The following PRMT9 variants were observed in gnomAD, a reference collection of about 807,000 sequenced individuals.
PRMT9 encodes protein arginine N-methyltransferase 9.
PRMT9 carries 59 observed loss-of-function variants against 83.2 expected under a neutral mutation model. The observed-to-expected ratio is 0.71, with a 90% CI of 0.57 to 0.88. The LOEUF is 0.88. Among genes scored for constraint, PRMT9 ranks in the 40% least tolerant of loss-of-function variants. The pLI, the probability that PRMT9 is intolerant of heterozygous loss-of-function variation, is 0.00. For missense variants in PRMT9, 947 were observed against 1,021.9 expected, an observed-to-expected ratio of 0.93 and a Z score of 1.00; for synonymous variants, 333 against 353.2, an observed-to-expected ratio of 0.94 and a Z score of 0.64.
intron 9 of PRMT9, among the ~76,000 whole-genome samples, chr4:147,646,316 A>G (rs1733724349): frequency 6.6e-6 from 1 of 152,224 alleles, no homozygotes; most frequent in Non-Finnish European, 1.5e-5. Context: ...AGGAGAGACT[A>G]GCCACAGAAC....
At chr4:147,653,225 G>T (rs919893496) in intron 9 of PRMT9, among the ~76,000 whole-genome samples, 13 of 152,010 alleles carry the variant, frequency 8.6e-5, no homozygotes, top group Admixed American at 8.5e-4. Flanking sequence ...AGGGGGTGTG[G>T]ATCACTTGAG....
At chr4:147,662,976 C>A (rs1328176215) in intron 6 of PRMT9, among the ~76,000 whole-genome samples, 1 of 151,592 alleles carries the variant, frequency 6.6e-6, no homozygotes, top group Non-Finnish European at 1.5e-5. Context: ...ATTACACTCT[C>A]AAAAGATGAA....
At chr4:147,659,421 G>GA (rs1041798654) in intron 7 of PRMT9, among the ~76,000 whole-genome samples, 6 of 150,082 alleles carry the variant, frequency 4.0e-5, no homozygotes, top group African/African-American at 7.3e-5. Context: ...AGAAAAAAAA[G>GA]AAAAAAAAAT....
chr4:147,668,384 TAA>T (rs996941842), intron 6 of PRMT9, among the ~76,000 whole-genome samples, 153 bp downstream of exon 6: 5 of 152,220 alleles, frequency 3.3e-5, no homozygotes, highest in African/African-American at 1.2e-4. Flanking sequence ...TGCTGCCATA[TAA>T]GACGTGCCTG....
At chr4:147,639,575 G>A (rs1733241494) in intron 10 of PRMT9, among the ~76,000 whole-genome samples, 3 of 152,116 alleles carry the variant, frequency 2.0e-5, no homozygotes, top group Non-Finnish European at 4.4e-5. Flanking sequence ...AAAATCACCT[G>A]GGGAGGTTTT....
chr4:147,649,224 G>C (rs915883169), intron 9 of PRMT9, among the ~76,000 whole-genome samples: 4 of 151,280 alleles, frequency 2.6e-5, no homozygotes, highest in African/African-American at 9.7e-5. Context: ...AGAGAGAAAG[G>C]GAAAGAGGGC....
At chr4:147,642,730 G>C in intron 10 of PRMT9, 57 bp downstream of exon 10, 1 of 1,420,484 alleles carries the variant, frequency 7.0e-7, no homozygotes, top group Non-Finnish European at 9.9e-7. Flanking sequence ...ACTAAAGAGA[G>C]AGCGATGGTA....
intron 3 of PRMT9, 95 bp from the exon 4 acceptor site, chr4:147,673,221 C>G: frequency 1.8e-6 from 2 of 1,106,696 alleles, no homozygotes; most frequent in Non-Finnish European, 2.7e-6. Context: ...GGGGTTTTTC[C>G]TTTTATTCTT....
At chr4:147,639,125 T>G in intron 10 of PRMT9, 43 bp from the exon 11 acceptor site, 2 of 1,607,304 alleles carry the variant, frequency 1.2e-6, no homozygotes, top group Non-Finnish European at 1.7e-6. Flanking sequence ...TTTCTTTTTG[T>G]GGTCAGGGCT....
intron 6 of PRMT9, among the ~76,000 whole-genome samples, chr4:147,668,311 C>T (rs919930529): frequency 2.0e-5 from 3 of 152,054 alleles, no homozygotes; most frequent in East Asian, 1.9e-4. Context: ...GGTAGTTTTT[C>T]CTACACTCAC....
chr4:147,676,308 G>A (rs931173627), intron 2 of PRMT9, among the ~76,000 whole-genome samples: 1 of 152,066 alleles, frequency 6.6e-6, no homozygotes, highest in African/African-American at 2.4e-5. Flanking sequence ...CACCGTATGT[G>A]TATAATCTGG....
chr4:147,662,189 G>A (rs576848248), intron 6 of PRMT9, among the ~76,000 whole-genome samples: 19 of 152,180 alleles, frequency 1.2e-4, no homozygotes, highest in African/African-American at 2.9e-4. Flanking sequence ...GTATGATTCC[G>A]CAATGAGAAT....
chr4:147,681,624 T>C (rs1736475980), intron 1 of PRMT9, among the ~76,000 whole-genome samples: 1 of 152,008 alleles, frequency 6.6e-6, no homozygotes, highest in African/African-American at 2.4e-5. Context: ...CCATCTCTAC[T>C]AAAAATATAA....
intron 1 of PRMT9, among the ~76,000 whole-genome samples, chr4:147,680,870 T>C (rs934298155): frequency 2.0e-5 from 3 of 152,246 alleles, no homozygotes; most frequent in Admixed American, 6.5e-5. Context: ...TTTACATCTC[T>C]AGTCAAGACC....
At chr4:147,682,165 C>T (rs1736515112) in intron 1 of PRMT9, among the ~76,000 whole-genome samples, 1 of 152,006 alleles carries the variant, frequency 6.6e-6, no homozygotes, top group African/African-American at 2.4e-5. Context: ...GCCACCACGC[C>T]CAGCTAATTT....
intron 1 of PRMT9, 60 bp downstream of exon 1, chr4:147,683,735 GTTTT>G: frequency 2.4e-6 from 2 of 837,776 alleles, no homozygotes; most frequent in African/African-American, 2.1e-5. Flanking sequence ...TTTTTTTTCT[GTTTT>G]TTTTTTTTTT....
intron 7 of PRMT9, 41 bp downstream of exon 7, chr4:147,660,805 T>C: frequency 7.5e-7 from 1 of 1,338,840 alleles, no homozygotes; most frequent in South Asian, 1.2e-5. Context: ...AAACAATGCA[T>C]GAAATTTAAT....
At chr4:147,654,674 G>A in intron 8 of PRMT9, 108 bp from the exon 9 acceptor site, 2 of 736,414 alleles carry the variant, frequency 2.7e-6, no homozygotes, top group Non-Finnish European at 2.3e-6. Context: ...GATCACTATA[G>A]AAAGGATTAC....
intron 2 of PRMT9, among the ~76,000 whole-genome samples, chr4:147,680,097 G>T (rs1268409330): frequency 6.6e-6 from 1 of 152,160 alleles, no homozygotes; most frequent in Non-Finnish European, 1.5e-5. Flanking sequence ...CCAGTGAGGG[G>T]AACTCTTCCT....
Sources: allele counts gnomAD v4.1 joint callset (sites outside exome capture counted in the v4.1 genomes callset), GRCh38; gene constraint gnomAD v4.1.1; transcripts MANE v1.5; gene names NCBI Gene and HGNC (gene_info 2026-07-23, HGNC 2026-07-21).